The following GNAQ variants were observed in gnomAD, a reference collection of about 807,000 sequenced individuals.
GNAQ encodes G protein subunit alpha q, also known as guanine nucleotide-binding protein G(q) subunit alpha.
In GNAQ, 8 loss-of-function variants were observed where a neutral mutation model predicts 43.9. The observed-to-expected ratio is 0.18, with a 90% CI of 0.11 to 0.33. The LOEUF is 0.33. Among genes scored for constraint, GNAQ ranks in the 10% least tolerant of loss-of-function variants. The pLI is 1.00. For missense variants in GNAQ, 158 were observed against 450.8 expected, an observed-to-expected ratio of 0.35 and a Z score of 5.88; for synonymous variants, 155 against 170.7, an observed-to-expected ratio of 0.91 and a Z score of 0.71.
chr9:77,909,774 CAT>C (rs775819590), intron 2 of GNAQ, among the ~76,000 whole-genome samples: 2 of 149,846 alleles, frequency 1.3e-5, no homozygotes, highest in Non-Finnish European at 3.0e-5. Context: ...CTTTAAGAAA[CAT>C]AAAATCAGGA....
At chr9:77,914,301 A>G (rs1828859504) in intron 2 of GNAQ, among the ~76,000 whole-genome samples, 1 of 152,218 alleles carries the variant, frequency 6.6e-6, no homozygotes, top group African/African-American at 2.4e-5. Context: ...CAGTAAACCA[A>G]TCTTAGAAAA....
At chr9:78,009,052 G>A (rs1217767835) in intron 1 of GNAQ, among the ~76,000 whole-genome samples, 2 of 152,190 alleles carry the variant, frequency 1.3e-5, no homozygotes, top group East Asian at 3.8e-4. Context: ...ACCTGCCTTA[G>A]GAGGAGGGTA....
intron 1 of GNAQ, among the ~76,000 whole-genome samples, chr9:77,989,346 T>C (rs1230217130): frequency 9.2e-5 from 14 of 152,126 alleles, no homozygotes; most frequent in Non-Finnish European, 1.9e-4. Context: ...CAAGGGGTGG[T>C]GGCCCTCAGT....
chr9:78,009,316 C>T (rs551327564), intron 1 of GNAQ, among the ~76,000 whole-genome samples: 2 of 152,276 alleles, frequency 1.3e-5, no homozygotes, highest in Admixed American at 6.5e-5. Flanking sequence ...CCTGCCACCA[C>T]CACCACCACC....
chr9:77,890,436 T>C (rs1265466631), intron 2 of GNAQ, among the ~76,000 whole-genome samples: 1 of 152,106 alleles, frequency 6.6e-6, no homozygotes, highest in African/African-American at 2.4e-5. Context: ...TAAAACTGCA[T>C]TGCAAGGCTG....
intron 1 of GNAQ, among the ~76,000 whole-genome samples, chr9:77,969,517 T>A (rs1021922023): frequency 6.6e-6 from 1 of 152,200 alleles, no homozygotes; most frequent in Admixed American, 6.5e-5. Context: ...TCATAAAATG[T>A]AGATGATGGA....
At chr9:77,803,935 A>T (rs1826786156) in intron 3 of GNAQ, among the ~76,000 whole-genome samples, 1 of 152,220 alleles carries the variant, frequency 6.6e-6, no homozygotes, top group South Asian at 2.1e-4. Flanking sequence ...CTGGCTGAAG[A>T]AAAATAAATT....
At chr9:77,895,685 G>A (rs760949239) in intron 2 of GNAQ, among the ~76,000 whole-genome samples, 6 of 152,120 alleles carry the variant, frequency 3.9e-5, no homozygotes, top group Non-Finnish European at 7.4e-5. Flanking sequence ...AGTTTGGCTC[G>A]GTGTCCCCAC....
At chr9:77,986,543 T>C (rs1261882568) in intron 1 of GNAQ, among the ~76,000 whole-genome samples, 1 of 152,166 alleles carries the variant, frequency 6.6e-6, no homozygotes, top group East Asian at 1.9e-4. Flanking sequence ...TCTCGTTCTG[T>C]CGCCCAGGCT....
intron 3 of GNAQ, among the ~76,000 whole-genome samples, chr9:77,803,499 A>G (rs1826780344): frequency 6.6e-6 from 1 of 152,232 alleles, no homozygotes; most frequent in Non-Finnish European, 1.5e-5. Flanking sequence ...TTCTGTGAAA[A>G]GTGAGGGAAC....
chr9:77,962,211 G>A (rs1050335430), intron 1 of GNAQ, among the ~76,000 whole-genome samples: 6 of 152,108 alleles, frequency 3.9e-5, no homozygotes, highest in African/African-American at 1.4e-4. Context: ...CTTGGAATTT[G>A]AGTACTAGAA....
chr9:77,833,255 AC>A (rs1827330717), intron 2 of GNAQ, among the ~76,000 whole-genome samples: 1 of 152,168 alleles, frequency 6.6e-6, no homozygotes, highest in Non-Finnish European at 1.5e-5. Flanking sequence ...GGCGTGAGCC[AC>A]CCCGCACCTG....
chr9:78,030,683 C>A, intron 1 of GNAQ: 1 of 404,340 alleles, frequency 2.5e-6, no homozygotes. Context: ...CGGCTCCCCA[C>A]GCCACCACCC....
At chr9:77,836,096 A>T (rs928106897) in intron 2 of GNAQ, among the ~76,000 whole-genome samples, 4 of 152,244 alleles carry the variant, frequency 2.6e-5, no homozygotes, top group Non-Finnish European at 5.9e-5. Flanking sequence ...AATCCAGACA[A>T]GTATACTTAA....
intron 1 of GNAQ, among the ~76,000 whole-genome samples, chr9:77,987,754 G>A (rs1823460080): frequency 6.6e-6 from 1 of 152,032 alleles, no homozygotes; most frequent in South Asian, 2.1e-4. Flanking sequence ...AAAACAGCTG[G>A]GCACAGTGGC....
At chr9:77,762,470 A>G (rs1461892557) in intron 5 of GNAQ, among the ~76,000 whole-genome samples, 3 of 130,350 alleles carry the variant, frequency 2.3e-5, no homozygotes, top group East Asian at 4.8e-4. Context: ...TCCGGGAGGG[A>G]GGTGGGGGGG....
chr9:77,754,908 T>C (rs1053522094), intron 5 of GNAQ, among the ~76,000 whole-genome samples: 1 of 152,216 alleles, frequency 6.6e-6, no homozygotes, highest in Non-Finnish European at 1.5e-5. Context: ...AAAATCAGTG[T>C]ATCAAAAAGA....
chr9:77,943,463 C>G (rs1211842882), intron 1 of GNAQ, among the ~76,000 whole-genome samples: 2 of 152,088 alleles, frequency 1.3e-5, no homozygotes, highest in Non-Finnish European at 2.9e-5. Context: ...TCAGTAGTCA[C>G]AGGAATAATA....
intron 1 of GNAQ, among the ~76,000 whole-genome samples, chr9:77,939,133 A>G (rs11145622): frequency 0.12 from 18,126 of 152,198 alleles, 1,198 homozygotes; most frequent in East Asian, 0.26. Flanking sequence ...CTGTTCTCCT[A>G]TATCAGGTGT....
Sources: allele counts gnomAD v4.1 joint callset (sites outside exome capture counted in the v4.1 genomes callset), GRCh38; gene constraint gnomAD v4.1.1; transcripts MANE v1.5; gene names NCBI Gene and HGNC (gene_info 2026-07-23, HGNC 2026-07-21).